Variants in L3MBTL4 observed in about 807,000 individuals in gnomAD.
The protein encoded by L3MBTL4 is lethal(3)malignant brain tumor-like protein 4.
In L3MBTL4, 70 loss-of-function variants were observed where a neutral mutation model predicts 84.5. The ratio of observed to expected loss-of-function variants is 0.83; its 90% CI spans 0.68 to 1.01. The LOEUF is 1.01. Among genes scored for constraint, L3MBTL4 ranks in the 50% least tolerant of loss-of-function variants. L3MBTL4 has a pLI of 0.00. For synonymous variants in L3MBTL4, 274 were observed against 259.8 expected, an observed-to-expected ratio of 1.05 and a Z score of -0.52; for missense variants, 715 against 754.8, an observed-to-expected ratio of 0.95 and a Z score of 0.62.
chr18:6,347,505 GTCAA>G (rs1157605779), intron 1 of L3MBTL4, among the ~76,000 whole-genome samples: 2 of 150,812 alleles, frequency 1.3e-5, no homozygotes, highest in Non-Finnish European at 3.0e-5. Context: ...CTTTTTATAT[GTCAA>G]TCATACCTCA....
At chr18:6,199,911 C>G (rs1027694835) in intron 12 of L3MBTL4, among the ~76,000 whole-genome samples, 2 of 152,134 alleles carry the variant, frequency 1.3e-5, no homozygotes, top group Non-Finnish European at 2.9e-5. Flanking sequence ...ATACCCAGGG[C>G]CCAAGGGCAG....
intron 15 of L3MBTL4, among the ~76,000 whole-genome samples, chr18:6,091,731 T>G (rs2058465130): frequency 6.6e-6 from 1 of 152,192 alleles, no homozygotes; most frequent in Admixed American, 6.5e-5. Context: ...TCATTTTTTT[T>G]AAGGCAGTTC....
intron 12 of L3MBTL4, among the ~76,000 whole-genome samples, chr18:6,211,399 T>G (rs2046097779): frequency 6.6e-6 from 1 of 152,028 alleles, no homozygotes; most frequent in Non-Finnish European, 1.5e-5. Flanking sequence ...AATACTGACT[T>G]TAAAAAGAAA....
At chr18:6,344,409 TAAAG>T (rs1346584645) in intron 1 of L3MBTL4, among the ~76,000 whole-genome samples, 2 of 152,158 alleles carry the variant, frequency 1.3e-5, no homozygotes, top group African/African-American at 4.8e-5. Flanking sequence ...AACTTCCCAA[TAAAG>T]AAAGCCCAGT....
intron 13 of L3MBTL4, among the ~76,000 whole-genome samples, chr18:6,148,949 A>T (rs889467554): frequency 3.9e-5 from 6 of 152,198 alleles, no homozygotes; most frequent in Admixed American, 2.6e-4. Context: ...TTAAGAAATA[A>T]ATAAGACAGT....
intron 5 of L3MBTL4, among the ~76,000 whole-genome samples, chr18:6,262,920 T>C (rs1220360805): frequency 1.3e-5 from 2 of 152,206 alleles, no homozygotes; most frequent in African/African-American, 4.8e-5. Flanking sequence ...CATGAGTTAC[T>C]AGATGTAACT....
chr18:6,355,039 C>T (rs1305296772), intron 1 of L3MBTL4, among the ~76,000 whole-genome samples: 1 of 152,174 alleles, frequency 6.6e-6, no homozygotes, highest in Non-Finnish European at 1.5e-5. Flanking sequence ...ACCTAAGTGT[C>T]CATCAGGAGA....
intron 10 of L3MBTL4, among the ~76,000 whole-genome samples, chr18:6,223,424 C>A (rs1376895801): frequency 6.6e-6 from 1 of 152,088 alleles, no homozygotes; most frequent in East Asian, 1.9e-4. Context: ...TTGAACTATA[C>A]AGATGAGTTG....
rs111571946 is a variant in L3MBTL4, at chr18:6,138,621, G to A, written c.1097-325C>T. ...AGGCTGGAATGCAGTGGCGCATCTC[G>A]GCTCACTGCAACCTCTGCCTCCCGA... On this transcript the variant is annotated intron_variant, in intron 13 of 18. Coordinates refer to ENST00000317931, the MANE Select transcript of L3MBTL4 (RefSeq NM_001330559.2). 1.5e-3 allele frequency among the ~76,000 whole-genome samples: 235 copies of A among 152,040 alleles called. 1 individual carries two copies. Among genetic ancestry groups the A allele is most frequent in the African/African-American group, 5.5e-3 (226 of 41,404 alleles).
intron 16 of L3MBTL4, among the ~76,000 whole-genome samples, chr18:6,078,103 T>C (rs920621034): frequency 5.8e-5 from 8 of 138,238 alleles, no homozygotes; most frequent in African/African-American, 1.4e-4. Flanking sequence ...TTCAAATCTA[T>C]GCCCAGACCA....
At chr18:6,235,684 C>T (rs1045796847) in intron 10 of L3MBTL4, among the ~76,000 whole-genome samples, 12 of 152,068 alleles carry the variant, frequency 7.9e-5, no homozygotes, top group African/African-American at 2.7e-4. Context: ...GGGGTATGGA[C>T]GGGTATAGGG....
intron 1 of L3MBTL4, chr18:6,399,629 A>T (rs2055429835): frequency 6.6e-6 from 1 of 152,216 alleles, no homozygotes. Context: ...AAAGCTACCA[A>T]ATGCCAAGTG....
At chr18:6,081,326 C>T (rs1237483082) in intron 15 of L3MBTL4, 1 of 164,318 alleles carries the variant, frequency 6.1e-6, no homozygotes, top group Non-Finnish European at 1.3e-5. Flanking sequence ...TTATTTTAAT[C>T]AGAAGATTAT....
chr18:6,308,891 T>C (rs764575210), intron 3 of L3MBTL4, among the ~76,000 whole-genome samples: 2 of 152,222 alleles, frequency 1.3e-5, no homozygotes, highest in African/African-American at 2.4e-5. Flanking sequence ...CTGTACTGTT[T>C]TATTTTTTAA....
chr18:6,332,094 C>G (rs2052068001), intron 1 of L3MBTL4, among the ~76,000 whole-genome samples: 1 of 152,192 alleles, frequency 6.6e-6, no homozygotes, highest in Non-Finnish European at 1.5e-5. Context: ...AAAGGCTCTT[C>G]TCACCTTGAC....
At chr18:5,976,335 T>A (rs1449885163) in intron 16 of L3MBTL4, among the ~76,000 whole-genome samples, 1 of 152,366 alleles carries the variant, frequency 6.6e-6, no homozygotes, top group Middle Eastern at 3.4e-3. Context: ...TTTCTTCTGA[T>A]TACGTTAAAT....
chr18:6,322,036 T>C (rs1241781737), intron 1 of L3MBTL4, among the ~76,000 whole-genome samples: 2 of 151,688 alleles, frequency 1.3e-5, no homozygotes, highest in African/African-American at 4.9e-5. Flanking sequence ...TAAAAGCTAT[T>C]GTAATAAAAA....
intron 4 of L3MBTL4, among the ~76,000 whole-genome samples, chr18:6,295,644 G>A (rs2050078332): frequency 6.6e-6 from 1 of 152,016 alleles, no homozygotes; most frequent in Non-Finnish European, 1.5e-5. Flanking sequence ...AGAAAGTAGT[G>A]TTTTCATTAA....
At chr18:6,242,323 T>C (rs1457501983) in intron 7 of L3MBTL4, among the ~76,000 whole-genome samples, 1 of 152,198 alleles carries the variant, frequency 6.6e-6, no homozygotes, top group East Asian at 1.9e-4. Context: ...CACGTCTCTT[T>C]GGAACATTAT....
Sources: allele counts gnomAD v4.1 joint callset (sites outside exome capture counted in the v4.1 genomes callset), GRCh38; gene constraint gnomAD v4.1.1; transcripts MANE v1.5; gene names NCBI Gene and HGNC (gene_info 2026-07-23, HGNC 2026-07-21).